Variants in INTS6 observed in about 807,000 individuals in gnomAD.
INTS6 encodes DEAD box protein.
INTS6 carries 16 observed loss-of-function variants against 104.9 expected under a neutral mutation model. The observed-to-expected ratio is 0.15, with a 90% CI of 0.10 to 0.23. The LOEUF (loss-of-function observed/expected upper bound fraction) is 0.23. INTS6 is among the 10% of genes least tolerant of loss of function. INTS6 has a pLI of 1.00. For missense variants in INTS6, 584 were observed against 1,062.8 expected (o/e 0.55, Z 6.26); for synonymous variants, 324 against 358.7 (o/e 0.90, Z 1.09).
rs762937985 is a variant in INTS6 at position 51,389,310 on chromosome 13, CA to C, written c.739+8del. On this transcript the variant is annotated splice_region_variant and intron_variant, in intron 6 of 17. Coordinates refer to ENST00000311234, the MANE Select transcript of INTS6 (RefSeq NM_012141.3). ...GTTTTGAATGTCTAAAAGAAAAGTG[CA>C]ATAATACCTTCTACAGGGGAAGGAT... The C allele has an allele frequency of 1.2e-6, 2 of 1,606,138 alleles. No individual in the cohort carries two copies. Among genetic ancestry groups the C allele is most frequent in the South Asian group, 2.2e-5 (2 of 89,490 alleles).
chr13:51,363,954 T>TAC lies in INTS6; in HGVS notation c.*1797_*1798insGT, dbSNP rs1955634227. 4.4e-6 allele frequency: 1 copy of TAC among 225,766 alleles called. No homozygotes were observed. Among genetic ancestry groups the TAC allele is most frequent in the East Asian group, 8.8e-5 (1 of 11,368 alleles). 14.0% of individuals were successfully genotyped at this position (225,766 alleles called of 1,614,324 possible). ...CAATATTGGGATGGGCTGAATCTCT[T>TAC]TCCTAGATACTCTTGTTAAGTATGA... On this transcript the variant is annotated 3_prime_UTR_variant, in exon 18 of 18. Transcript: ENST00000311234.
intron 3 of INTS6, chr13:51,446,744 C>A (rs1347900385): frequency 6.6e-6 from 1 of 152,136 alleles, no homozygotes; most frequent in Non-Finnish European, 1.5e-5. Context: ...AAAATCCTGA[C>A]ATGCTAAAAT....
rs761271871 is a variant in INTS6 at position 51,369,108 on chromosome 13, T to C, written c.2307A>G (p.Gly769=). 4 of 1,613,912 alleles carry C rather than the reference T, an allele frequency of 2.5e-6. No homozygotes were observed. The Admixed American group carries it at 5.0e-5, about 20-fold the overall frequency. Residue 769 remains glycine (G), a synonymous_variant, in exon 16 of 18, where the codon GGA becomes GGG. Transcript: ENST00000311234. The part of the protein sequence containing the change: ...HLGTNDLTVG[G]FLENHEEPRD... ...TTGGCTCCTCATGATTTTCTAAAAA[T>C]CCACCAACAGTGAGGTCATTGGTTC... is the stretch of plus-strand genomic sequence containing the variant.
chr13:51,345,592 CAAAAAAAAAAAAA>C, the INTS6 span, among the ~76,000 whole-genome samples: 1 of 37,044 alleles, frequency 2.7e-5, no homozygotes, highest in East Asian at 8.4e-4. Context: ...GATTTCATCT[CAAAAAAAAAAAAA>C]AAAAAAAAAA....
At chr13:51,380,544 G>A (rs1451176660) in intron 10 of INTS6, among the ~76,000 whole-genome samples, 1 of 152,014 alleles carries the variant, frequency 6.6e-6, no homozygotes, top group East Asian at 1.9e-4. Context: ...CCTTCTACTT[G>A]CCAGGCACTG....
intron 3 of INTS6, chr13:51,441,126 C>CA (rs890407151): frequency 1.3e-5 from 2 of 152,164 alleles, no homozygotes; most frequent in African/African-American, 4.8e-5. Flanking sequence ...ACTTGATGCT[C>CA]AGAGAGATTA....
rs1161732274 is a variant in INTS6, at chr13:51,387,391, T to A, written c.889A>T (p.Thr297Ser). The A allele has an allele frequency of 1.9e-6, 3 of 1,610,364 alleles. No individual in the cohort carries two copies. Among genetic ancestry groups the A allele is most frequent in the South Asian group, 2.2e-5 (2 of 90,426 alleles). ...ESFWPDQNSP[T>S]LPPRTSHPVV... is the part of the protein sequence containing the mutation. ...TTACAGTCTCTGGTACTTACTAGTG[T>A]TGGCGAATTTTGATCTGGCCAAAAA... The change falls in exon 7 of 18, where the codon ACA becomes TCA. Residue 297 changes from threonine to serine, a missense_variant. This residue lies in a region of INTS6 where 144 missense variants were observed against 348.7 expected (regional missense o/e 0.41). Coordinates refer to ENST00000311234, the MANE Select transcript of INTS6 (RefSeq NM_012141.3).
chr13:51,377,685 T>G (rs1306232299), intron 12 of INTS6, among the ~76,000 whole-genome samples: 1 of 152,154 alleles, frequency 6.6e-6, no homozygotes, highest in East Asian at 1.9e-4. Context: ...TTTATCCTTA[T>G]GATGGCACCA....
intron 3 of INTS6, chr13:51,448,403 T>C (rs1475374425): frequency 6.6e-6 from 1 of 152,242 alleles, no homozygotes; most frequent in Non-Finnish European, 1.5e-5. Context: ...TTTATAACAA[T>C]GTCTGTAGGC....
At chr13:51,386,992 AT>A (rs1956151339) in intron 7 of INTS6, among the ~76,000 whole-genome samples, 1 of 152,170 alleles carries the variant, frequency 6.6e-6, no homozygotes, top group African/African-American at 2.4e-5. Flanking sequence ...ATACATATCA[AT>A]ATGAATTTAA....
intron 3 of INTS6, chr13:51,440,429 T>C (rs1952774161): frequency 6.6e-6 from 1 of 152,154 alleles, no homozygotes; most frequent in South Asian, 2.1e-4. Flanking sequence ...TAATTTATTA[T>C]TGGAGAAAAT....
intron 4 of INTS6, among the ~76,000 whole-genome samples, chr13:51,400,231 T>C (rs1031411789): frequency 9.2e-5 from 14 of 152,216 alleles, no homozygotes; most frequent in Admixed American, 1.3e-4. Context: ...CAGTCCCTGG[T>C]GCCAAAAAGG....
intron 3 of INTS6, chr13:51,447,137 A>C (rs1240476411): frequency 6.6e-6 from 1 of 152,228 alleles, no homozygotes; most frequent in Admixed American, 6.5e-5. Flanking sequence ...GCAGTATTTC[A>C]GGTATAGTAA....
chr13:51,396,209 C>A (rs2137970003), intron 4 of INTS6, among the ~76,000 whole-genome samples: 1 of 152,240 alleles, frequency 6.6e-6, no homozygotes, highest in Non-Finnish European at 1.5e-5. Context: ...ATCTTTACAG[C>A]TCTTAATATT....
At chr13:51,392,360 G>C (rs1294206329) in intron 5 of INTS6, among the ~76,000 whole-genome samples, 2 of 151,864 alleles carry the variant, frequency 1.3e-5, no homozygotes, top group East Asian at 1.9e-4. Flanking sequence ...CAGCCTTCCT[G>C]TTGCTTCCAA....
At chr13:51,358,004 C>CA (rs1231929242), downstream of INTS6, among the ~76,000 whole-genome samples, 1 of 152,124 alleles carries the variant, frequency 6.6e-6, no homozygotes, top group African/African-American at 2.4e-5. Flanking sequence ...TAACTTATGC[C>CA]ACACCAGATG....
chr13:51,450,846 A>G (rs77392775), intron 3 of INTS6, 179 bp downstream of exon 3: 75,629 of 1,219,940 alleles, frequency 0.062, 2,828 homozygotes, highest in East Asian at 0.22. Flanking sequence ...AGGGGGAAAA[A>G]ATGAGGGATG....
intron 3 of INTS6, among the ~76,000 whole-genome samples, chr13:51,434,099 C>T (rs1018002196): frequency 2.0e-5 from 3 of 152,132 alleles, no homozygotes; most frequent in Non-Finnish European, 4.4e-5. Context: ...CTGGATTGTG[C>T]CATATTTACC....
Position 51,378,467 on chromosome 13 carries a change from TAA to T in INTS6, c.1387-15_1387-14del. 2 of 1,556,552 alleles carry T rather than the reference TAA, an allele frequency of 1.3e-6. No homozygotes were observed. Among genetic ancestry groups the T allele is most frequent in the East Asian group, 2.2e-5 (1 of 44,514 alleles). On this transcript the variant is annotated splice_polypyrimidine_tract_variant and intron_variant, in intron 11 of 17. Coordinates refer to ENST00000311234, the MANE Select transcript of INTS6 (RefSeq NM_012141.3). ...ATTCTATTTTGGCCTAAAGTAAAAA[TAA>T]GTCAGAATTATCTTGATAAAATCTA...
Sources: gnomAD v4.1 joint callset for allele counts (sites outside exome capture counted in the v4.1 genomes callset) on GRCh38, gnomAD v4.1.1 for gene constraint, gnomAD v4.1.1 regional missense constraint, MANE v1.5 for transcripts, NCBI Gene and HGNC (gene_info 2026-07-23, HGNC 2026-07-21) for gene names.